The following FAM184A variants were observed in gnomAD, a reference collection of about 807,000 sequenced individuals.
FAM184A encodes family with sequence similarity 184 member A, also known as protein FAM184A.
A neutral mutation model predicts 143.8 loss-of-function variants in FAM184A; 99 were observed. That is an observed-to-expected ratio of 0.69 (90% CI 0.58 to 0.81). FAM184A has a LOEUF of 0.81. Among genes scored for constraint, FAM184A ranks in the 40% least tolerant of loss-of-function variants. The pLI, the probability that FAM184A is intolerant of heterozygous loss-of-function variation, is 0.00. For missense variants in FAM184A, 1,217 were observed against 1,310.5 expected (o/e 0.93, Z 1.10); for synonymous variants, 427 against 446.4 (o/e 0.96, Z 0.55).
intron 1 of FAM184A, among the ~76,000 whole-genome samples, chr6:119,145,172 C>A (rs1772385489): frequency 6.6e-6 from 1 of 152,152 alleles, no homozygotes; most frequent in Admixed American, 6.5e-5. Flanking sequence ...TCTCTGCTCC[C>A]TCTCTGCTGG....
chr6:119,034,031 TATATATATATAGAG>T (rs1786006085), intron 1 of FAM184A, among the ~76,000 whole-genome samples: 3 of 23,088 alleles, frequency 1.3e-4, no homozygotes, highest in Non-Finnish European at 8.8e-5. Context: ...TATATATATA[TATATATATATAGAG>T]AGAGAGAGAG....
chr6:118,968,476 CAAAT>C (rs1167061408), intron 14 of FAM184A, among the ~76,000 whole-genome samples: 1 of 152,128 alleles, frequency 6.6e-6, no homozygotes, highest in Non-Finnish European at 1.5e-5. Flanking sequence ...TTTGTTAACT[CAAAT>C]AAAGTGACCT....
chr6:118,985,923 T>C (rs936369947), intron 9 of FAM184A, among the ~76,000 whole-genome samples: 3 of 152,118 alleles, frequency 2.0e-5, no homozygotes, highest in Non-Finnish European at 2.9e-5. Flanking sequence ...TGTTTAAAGG[T>C]GCTCAAATAT....
chr6:119,001,391 C>T (rs1000763414), intron 9 of FAM184A, among the ~76,000 whole-genome samples: 13 of 151,680 alleles, frequency 8.6e-5, no homozygotes, highest in African/African-American at 2.2e-4. Context: ...AATTAATTCC[C>T]GGTTATCTTG....
intron 6 of FAM184A, among the ~76,000 whole-genome samples, chr6:119,007,930 C>A (rs1784975220): frequency 6.6e-6 from 1 of 150,438 alleles, no homozygotes; most frequent in Admixed American, 6.6e-5. Context: ...CAGAGCAAGA[C>A]TCTGCCTCAA....
At position 119,027,072 on chromosome 6, in the gene FAM184A, T is replaced by C. The variant is rs567062569; in HGVS notation, c.160-2259A>G. ...CTAACTAAACTCAAGCATTTCTTTA[T>C]GCTGAATTCAACTCTTTAGTCAGGG... On this transcript the variant is annotated intron_variant, in intron 1 of 17. Coordinates refer to ENST00000338891, the MANE Select transcript of FAM184A (RefSeq NM_024581.6). Among the ~76,000 whole-genome samples the C allele has an allele frequency of 7.2e-5, 11 of 152,346 alleles. No homozygotes were observed. The East Asian group carries it at 1.5e-3, about 21-fold the overall frequency.
chr6:118,963,151 A>G (rs1783387481), intron 16 of FAM184A: 1 of 152,104 alleles, frequency 6.6e-6, no homozygotes, highest in South Asian at 2.1e-4. Flanking sequence ...AGTTCTTACA[A>G]AGATGTATCT....
intron 1 of FAM184A, among the ~76,000 whole-genome samples, chr6:119,025,152 C>T (rs1463123074): frequency 6.6e-6 from 1 of 152,120 alleles, no homozygotes; most frequent in Non-Finnish European, 1.5e-5. Context: ...TCTCATATGT[C>T]CCAATCTAGC....
At chr6:118,960,921 A>G (rs771569013) in intron 17 of FAM184A, 29 of 892,972 alleles carry the variant, frequency 3.2e-5, no homozygotes, top group Non-Finnish European at 1.9e-5. Context: ...GCAGGAGACA[A>G]ATTCAGAGGT....
At chr6:119,117,765 C>A (rs1021284223) in intron 1 of FAM184A, among the ~76,000 whole-genome samples, 1 of 152,174 alleles carries the variant, frequency 6.6e-6, no homozygotes, top group Non-Finnish European at 1.5e-5. Flanking sequence ...CTTGAACCCT[C>A]CTTTTTAGTG....
At chr6:119,081,803 C>T (rs2114807643), upstream of FAM184A, among the ~76,000 whole-genome samples, 1 of 152,328 alleles carries the variant, frequency 6.6e-6, no homozygotes, top group African/African-American at 2.4e-5. Flanking sequence ...TGCTGGCATG[C>T]TGGTGCCTAT....
chr6:119,055,809 T>C (rs1786950774), intron 1 of FAM184A, among the ~76,000 whole-genome samples: 1 of 152,176 alleles, frequency 6.6e-6, no homozygotes, highest in South Asian at 2.1e-4. Context: ...CCTTTTCAGC[T>C]CCTGTCTTGG....
intron 1 of FAM184A, among the ~76,000 whole-genome samples, chr6:119,111,520 AT>A (rs1351880058): frequency 2.6e-5 from 4 of 152,178 alleles, no homozygotes; most frequent in Admixed American, 6.5e-5. Context: ...GCAAAAGATA[AT>A]TTTTTAAAAT....
chr6:119,044,538 T>C (rs146136201), intron 1 of FAM184A, among the ~76,000 whole-genome samples: 1 of 152,052 alleles, frequency 6.6e-6, no homozygotes, highest in East Asian at 1.9e-4. Context: ...AGCTATGATC[T>C]TGTCACTGCA....
At chr6:119,035,222 C>T (rs182841843) in intron 1 of FAM184A, among the ~76,000 whole-genome samples, 14 of 152,040 alleles carry the variant, frequency 9.2e-5, no homozygotes, top group Non-Finnish European at 1.6e-4. Flanking sequence ...ACTGAATGGA[C>T]TCCTCCTCTT....
chr6:119,070,135 T>C (rs1178608009), intron 1 of FAM184A, among the ~76,000 whole-genome samples: 1 of 152,160 alleles, frequency 6.6e-6, no homozygotes, highest in East Asian at 1.9e-4. Context: ...TATAGATCCT[T>C]TGATAGTTTC....
intron 1 of FAM184A, among the ~76,000 whole-genome samples, chr6:119,070,560 G>A (rs191360902): frequency 1.3e-5 from 2 of 151,996 alleles, no homozygotes; most frequent in Non-Finnish European, 2.9e-5. Context: ...AAACCTAATA[G>A]TTTGATATGA....
At chr6:119,030,379 G>C (rs1159688418) in intron 1 of FAM184A, among the ~76,000 whole-genome samples, 1 of 151,760 alleles carries the variant, frequency 6.6e-6, no homozygotes, top group African/African-American at 2.4e-5. Flanking sequence ...AATTATAAAG[G>C]TAACTATTTA....
chr6:119,119,449 C>T (rs780689791), intron 1 of FAM184A, among the ~76,000 whole-genome samples: 94 of 152,202 alleles, frequency 6.2e-4, no homozygotes, highest in Admixed American at 1.3e-4. Flanking sequence ...CTCTTTTGTA[C>T]TCTGTCCCTT....
Sources: allele counts gnomAD v4.1 joint callset (sites outside exome capture counted in the v4.1 genomes callset), GRCh38; gene constraint gnomAD v4.1.1; transcripts MANE v1.5; gene names NCBI Gene and HGNC (gene_info 2026-07-23, HGNC 2026-07-21).